The following SUCLA2 variants were observed in gnomAD, a reference collection of about 807,000 sequenced individuals.
SUCLA2 encodes the protein succinate-CoA ligase ADP-forming subunit beta.
SUCLA2 carries 30 observed loss-of-function variants against 54.8 expected under a neutral mutation model. The observed-to-expected ratio is 0.55, with a 90% CI of 0.41 to 0.74. The LOEUF is 0.74. SUCLA2 is among the 30% of genes least tolerant of loss of function. SUCLA2 has a pLI of 0.00. For missense variants in SUCLA2, 476 were observed against 562.9 expected (o/e 0.85, Z 1.56); for synonymous variants, 172 against 188.9 (o/e 0.91, Z 0.74).
At position 47,986,879 on chromosome 13, in the gene SUCLA2, G is replaced by A. The variant is rs145273776; in HGVS notation, c.534+1662C>T. 2.9e-4 allele frequency among the ~76,000 whole-genome samples: 44 copies of A among 152,292 alleles called. 1 individual carries two copies. The East Asian group carries it at 8.1e-3, about 28-fold the overall frequency. ...GCATGGGACATTAACTCAATCACAAGTGCTCTTTGTAGTTTAAATAGGTGA... is the reference window on the plus strand; with the variant it reads ...GCATGGGACATTAACTCAATCACAAATGCTCTTTGTAGTTTAAATAGGTGA... On this transcript the variant is annotated intron_variant, in intron 4 of 10. Coordinates refer to ENST00000646932, the MANE Select transcript of SUCLA2 (RefSeq NM_003850.3).
chr13:47,979,385 G>GA (rs1950043515), intron 4 of SUCLA2, among the ~76,000 whole-genome samples: 1 of 152,006 alleles, frequency 6.6e-6, no homozygotes, highest in Admixed American at 6.6e-5. Context: ...AGCTAACACA[G>GA]AAACAGAAAA....
chr13:47,947,608 A>G (rs994491642), intron 10 of SUCLA2, among the ~76,000 whole-genome samples: 5 of 152,242 alleles, frequency 3.3e-5, no homozygotes. Context: ...TAGTAATACC[A>G]CAAAAAGATT....
chr13:47,987,835 A>C (rs1385653427), intron 4 of SUCLA2: 1 of 152,086 alleles, frequency 6.6e-6, no homozygotes, highest in African/African-American at 2.4e-5. Flanking sequence ...GCTTCAAAAA[A>C]CAAGCTAGTT....
rs368689553 is a variant in SUCLA2, at chr13:47,983,661, T to A, written c.534+4880A>T. Among the ~76,000 whole-genome samples, 64 of 152,240 alleles carry A rather than the reference T, an allele frequency of 4.2e-4. No homozygotes were observed. In the East Asian group the frequency reaches 9.9e-3, roughly 23 times the overall value. ...CCTGCCGCCACGCCTGGCTAATTTT[T>A]TGTACTTTTAGTAGAGACAGGGTTT... On this transcript the variant is annotated intron_variant, in intron 4 of 10. Coordinates refer to ENST00000646932, the MANE Select transcript of SUCLA2 (RefSeq NM_003850.3).
chr13:47,943,760 G>GTATATATATATATA (rs1397232676), intron 10 of SUCLA2, among the ~76,000 whole-genome samples: 20 of 129,334 alleles, frequency 1.5e-4, no homozygotes, highest in African/African-American at 6.3e-4. Flanking sequence ...GTGTGTGTGT[G>GTATATATATATATA]TGTGTGTATA....
At chr13:47,996,800 A>G (rs773857913) in intron 2 of SUCLA2, 43 bp downstream of exon 2, 5 of 1,598,120 alleles carry the variant, frequency 3.1e-6, no homozygotes, top group Non-Finnish European at 4.3e-6. Context: ...ATCTTCTCAG[A>G]GCTCTCATGT....
intron 2 of SUCLA2, among the ~76,000 whole-genome samples, chr13:47,994,247 T>A (rs1193751488): frequency 6.6e-6 from 1 of 151,698 alleles, no homozygotes; most frequent in Non-Finnish European, 1.5e-5. Context: ...CCCATAATCG[T>A]TATCTTTTGT....
chr13:47,952,162 T>TGACAACTGTCTGAACAA (rs1949781669), intron 8 of SUCLA2, among the ~76,000 whole-genome samples: 1 of 152,098 alleles, frequency 6.6e-6, no homozygotes, highest in South Asian at 2.1e-4. Context: ...TGAATAGTCC[T>TGACAACTGTCTGAACAA]ACAACATTTG....
chr13:47,951,576 A>C (rs1199769759), intron 8 of SUCLA2, among the ~76,000 whole-genome samples: 1 of 152,206 alleles, frequency 6.6e-6, no homozygotes, highest in Non-Finnish European at 1.5e-5. Context: ...ACAAAACTGG[A>C]AACACTAGCA....
rs1555255588 is a variant in SUCLA2, at chr13:47,943,766, G to GTATATATATATATATATATATA, written c.1318-322_1318-321insTATATATATATATATATATATA. Among the ~76,000 whole-genome samples, 577 of 139,558 alleles carry GTATATATATATATATATATATA rather than the reference G, an allele frequency of 4.1e-3. 3 individuals are homozygous for GTATATATATATATATATATATA. The highest frequency in any genetic ancestry group is 0.014 in the African/African-American group (539 of 37,176). The allele number at this position is 139,558 out of a possible 152,430, so 91.6% of individuals were successfully genotyped here. A position where few individuals can be genotyped will look rare whatever the true frequency, so the allele number is the denominator to read the frequency against. ...TGTATGTGTGTGTGTGTGTGTGTGT[G>GTATATATATATATATATATATA]TATATATATATATATTATTCTAAAT... On this transcript the variant is annotated intron_variant, in intron 10 of 10. Coordinates refer to ENST00000646932, the MANE Select transcript of SUCLA2 (RefSeq NM_003850.3).
chr13:47,948,332 G>A (rs1437876141), intron 10 of SUCLA2, among the ~76,000 whole-genome samples: 1 of 151,998 alleles, frequency 6.6e-6, no homozygotes, highest in Non-Finnish European at 1.5e-5. Context: ...CGAATATATA[G>A]ATAGATACAC....
At chr13:47,971,176 G>A (rs1949960741) in intron 5 of SUCLA2, among the ~76,000 whole-genome samples, 1 of 152,202 alleles carries the variant, frequency 6.6e-6, no homozygotes, top group Non-Finnish European at 1.5e-5. Context: ...ACTTTGGGAG[G>A]CCCAGGCAGG....
chr13:47,973,170 A>T, intron 5 of SUCLA2, 94 bp downstream of exon 5: 1 of 1,124,774 alleles, frequency 8.9e-7, no homozygotes, highest in Non-Finnish European at 1.3e-6. Context: ...AAAATGTTTA[A>T]ATAAGTTTTG....
In SUCLA2 at chr13:47,996,878, G is replaced by A. The variant is rs142289138; in HGVS notation, c.236C>T (p.Ser79Leu). ...VSVPKGYVAKSPDEAYAIAKK... is the reference protein window; with the variant it reads ...VSVPKGYVAKLPDEAYAIAKK... The stretch of plus-strand genomic sequence containing the variant: ...GGCAATTGCATAAGCTTCATCTGGT[G>A]ACTTTGCCACATATCCTTTGGGAAC... Residue 79 changes from serine (S) to leucine (L), a missense_variant, in exon 2 of 11, where the codon TCA becomes TTA. By Grantham distance (145) the Ser-to-Leu change is moderately radical. Around this residue, in one of 2 missense-constraint regions of SUCLA2, gnomAD observed 134 missense variants for 118.7 expected, o/e 1.13. Coordinates refer to ENST00000646932, the MANE Select transcript of SUCLA2 (RefSeq NM_003850.3). The A allele has an allele frequency of 9.8e-4, 1,583 of 1,613,754 alleles. 3 individuals carry two copies. The highest frequency in any genetic ancestry group is 1.1e-3 in the Non-Finnish European group (1,327 of 1,179,870).
rs138842997 is a variant in SUCLA2 at position 47,954,544 on chromosome 13, A to C, written c.816T>G (p.Asp272Glu). The C allele has an allele frequency of 3.1e-6, 5 of 1,613,772 alleles. No homozygotes were observed. Among genetic ancestry groups the C allele is most frequent in the Non-Finnish European group, 4.2e-6 (5 of 1,179,764 alleles). Residue 272 changes from aspartate (D) to glutamate (E), a missense_variant, in exon 7 of 11, where the codon GAT (aspartate) becomes GAG (glutamate). Transcript: ENST00000646932. ...EDSDGAVLCM[D>E]AKINFDSNSA... ...AATTAGAGTCAAAATTGATCTTTGC[A>C]TCCATACACAATACTTTGAAGGGAA... is the stretch of plus-strand genomic sequence containing the variant.
At chr13:47,977,487 C>T (rs1489561258) in intron 4 of SUCLA2, among the ~76,000 whole-genome samples, 1 of 151,626 alleles carries the variant, frequency 6.6e-6, no homozygotes, top group Non-Finnish European at 1.5e-5. Flanking sequence ...AAACTACAAG[C>T]TAATAGCTCT....
chr13:47,960,928 T>C (rs1949865839), intron 6 of SUCLA2, among the ~76,000 whole-genome samples: 1 of 152,146 alleles, frequency 6.6e-6, no homozygotes, highest in South Asian at 2.1e-4. Flanking sequence ...TGTAAGACTG[T>C]AAAGGCCGAT....
rs765465308 is a variant in SUCLA2 at position 47,949,018 on chromosome 13, G to A, written c.1239C>T (p.Val413=). The change falls in exon 10 of 11, where the codon GTC becomes GTT. Residue 413 remains valine (V), a synonymous_variant. Transcript: ENST00000646932. ...PVVVRLQGTR[V]DDAKALIADS... ...CCGCTATCAGTGCCTTAGCATCATC[G>A]ACTCGTGTACCTGTAAATGATTTAT... 2.4e-5 allele frequency: 39 copies of A among 1,613,460 alleles called. No individual in the cohort carries two copies. The highest frequency in any genetic ancestry group is 3.0e-5 in the Non-Finnish European group (35 of 1,179,582).
intron 10 of SUCLA2, among the ~76,000 whole-genome samples, chr13:47,945,250 A>C (rs1161431064): frequency 2.2e-4 from 1 of 4,564 alleles, no homozygotes; most frequent in Non-Finnish European, 5.8e-4. Context: ...ACTCTGTCTT[A>C]AAAAAAAAAA....
Sources: allele counts gnomAD v4.1 joint callset (sites outside exome capture counted in the v4.1 genomes callset), GRCh38; gene constraint gnomAD v4.1.1; regional missense constraint gnomAD v4.1.1; transcripts MANE v1.5; gene names NCBI Gene and HGNC (gene_info 2026-07-23, HGNC 2026-07-21).